Variants in KDM1A observed in about 807,000 individuals in gnomAD.
The protein encoded by KDM1A is lysine demethylase 1A, also known as lysine-specific histone demethylase 1A.
Under a neutral mutation model 109.4 loss-of-function variants are expected in KDM1A, and 49 were observed. The ratio of observed to expected loss-of-function variants is 0.45; its 90% confidence interval spans 0.36 to 0.57. The LOEUF is 0.57. Among genes scored for constraint, KDM1A ranks in the 20% least tolerant of loss-of-function variants. The pLI, the probability that KDM1A is intolerant of heterozygous loss-of-function variation, is 0.00. For missense variants in KDM1A, 668 were observed against 1,116.6 expected (o/e 0.60, Z 5.73); for synonymous variants, 380 against 415.4 (o/e 0.91, Z 1.04).
rs1313531646 is a variant in KDM1A at position 23,082,373 on chromosome 1, A to G, written c.2445+7A>G. On this transcript the variant is annotated splice_region_variant and intron_variant, in intron 20 of 20. Transcript: ENST00000400181. ...GATTCCAGGTGCCCCACAGGTGAGAAGCTGGCAAACTATCTGGGCTTATTT... is the reference window on the plus strand; with the variant it reads ...GATTCCAGGTGCCCCACAGGTGAGAGGCTGGCAAACTATCTGGGCTTATTT... 1.2e-6 allele frequency: 2 copies of G among 1,609,940 alleles called. No homozygotes were observed. The highest frequency in any genetic ancestry group is 2.2e-5 in the East Asian group (1 of 44,784).
At chr1:23,059,023 G>T in intron 8 of KDM1A, 50 bp from the exon 9 acceptor site, 16 of 1,109,246 alleles carry the variant, frequency 1.4e-5, no homozygotes, top group Admixed American at 5.3e-5. Context: ...TAAGGTTTTT[G>T]TTCTCTCTTC....
At position 23,057,664 on chromosome 1, in the gene KDM1A, TA is replaced by T. The variant is rs1274517845; in HGVS notation, c.1072+100del. On this transcript the variant is annotated intron_variant, in intron 8 of 20. Coordinates refer to ENST00000400181, the MANE Select transcript of KDM1A (RefSeq NM_001009999.3). Reference sequence around the variant, plus strand: ...TATTTTAAAATGTATTGGTTTAGAATAGTCATCTTCCGTTTAGTGAGAGGTA... The same window carrying T: ...TATTTTAAAATGTATTGGTTTAGAATGTCATCTTCCGTTTAGTGAGAGGTA... 1.8e-5 allele frequency: 16 copies of T among 867,856 alleles called. No individual in the cohort carries two copies. The African/African-American group carries it at 2.7e-4, about 14-fold the overall frequency. The allele number at this position is 867,856 out of a possible 1,614,324, so 53.8% of individuals were successfully genotyped here.
At chr1:23,037,560 C>G (rs1428815277) in intron 2 of KDM1A, among the ~76,000 whole-genome samples, 2 of 152,138 alleles carry the variant, frequency 1.3e-5, no homozygotes, top group Non-Finnish European at 2.9e-5. Flanking sequence ...GGTGAGAACA[C>G]TTACCCACTT....
Position 23,050,535 on chromosome 1 carries a change from C to T in KDM1A, c.711+15C>T, listed in dbSNP as rs1000974360. The T allele has an allele frequency of 1.3e-6, 2 of 1,586,290 alleles. No individual in the cohort carries two copies. The highest frequency in any genetic ancestry group is 1.4e-5 in the African/African-American group (1 of 73,298). On this transcript the variant is annotated intron_variant, in intron 4 of 20. Transcript: ENST00000400181. ...GAAACCGCACAGTAAGTTTCCATTT[C>T]AGCTTTTTCACCTGGATTATAAAAA...
Position 23,031,298 on chromosome 1 carries a change from C to A in KDM1A, c.517+664C>A, listed in dbSNP as rs1440659034. On this transcript the variant is annotated intron_variant, in intron 2 of 20. Coordinates refer to ENST00000400181, the MANE Select transcript of KDM1A (RefSeq NM_001009999.3). ...ATCTGCCTTTCTGTTTTGGAGAGAC[C>A]AAGCAAAAGCAGTATTTTAATGAAT... is the stretch of plus-strand genomic sequence containing the variant. 2.0e-5 allele frequency among the ~76,000 whole-genome samples: 3 copies of A among 152,176 alleles called. No individual in the cohort carries two copies. The East Asian group carries it at 5.8e-4, about 29-fold the overall frequency.
At position 23,078,985 on chromosome 1, in the gene KDM1A, T is replaced by C. The variant is rs1162214676; in HGVS notation, c.1868-5T>C. 1.2e-6 allele frequency: 2 copies of C among 1,611,982 alleles called. No homozygotes were observed. Among genetic ancestry groups the C allele is most frequent in the Non-Finnish European group, 1.7e-6 (2 of 1,178,444 alleles). On this transcript the variant is annotated splice_region_variant and splice_polypyrimidine_tract_variant and intron_variant, in intron 16 of 20. Transcript: ENST00000400181. ...CACTAGTCTTTTCCCACCCAACCTC[T>C]GCAGGATGTGAAGTGATAGCTGTGA...
At chr1:23,048,642 T>C (rs1196961919) in intron 3 of KDM1A, among the ~76,000 whole-genome samples, 2 of 152,220 alleles carry the variant, frequency 1.3e-5, no homozygotes, top group Non-Finnish European at 2.9e-5. Flanking sequence ...GCGTTTTTGC[T>C]TGACCACTTG....
intron 20 of KDM1A, chr1:23,082,899 G>C: frequency 3.6e-6 from 1 of 279,346 alleles, no homozygotes; most frequent in Non-Finnish European, 6.8e-6. Flanking sequence ...AGTTATACAT[G>C]AGGGAAGGAC....
intron 13 of KDM1A, 120 bp from the exon 14 acceptor site, chr1:23,072,003 CA>C (rs1643334753): frequency 4.7e-6 from 3 of 644,646 alleles, no homozygotes; most frequent in Admixed American, 5.9e-5. Flanking sequence ...AAAATTGAGC[CA>C]CACTTCCTGT....
At chr1:23,042,442 T>TATTATTATTA (rs61297026) in intron 2 of KDM1A, among the ~76,000 whole-genome samples, 577 of 17,652 alleles carry the variant, frequency 0.033, 64 homozygotes, top group African/African-American at 0.046. Flanking sequence ...AATATATTAT[T>TATTATTATTA]TTTTTTTTTT....
chr1:23,035,700 G>C (rs951461141), intron 2 of KDM1A, among the ~76,000 whole-genome samples: 1 of 152,166 alleles, frequency 6.6e-6, no homozygotes, highest in African/African-American at 2.4e-5. Flanking sequence ...CACAATGTAT[G>C]AGTAGAAGAA....
chr1:23,030,702 T>C, intron 2 of KDM1A, 68 bp downstream of exon 2: 1 of 1,425,014 alleles, frequency 7.0e-7, no homozygotes, highest in South Asian at 1.5e-5. Context: ...TTTATTTCCA[T>C]TTTGCAATAT....
At chr1:23,051,072 G>C (rs780047177) in intron 4 of KDM1A, among the ~76,000 whole-genome samples, 2 of 152,070 alleles carry the variant, frequency 1.3e-5, no homozygotes, top group African/African-American at 2.4e-5. Flanking sequence ...CTGGGCAACA[G>C]AGTAGAGTCC....
At chr1:23,043,538 T>C (rs750454916) in intron 2 of KDM1A, among the ~76,000 whole-genome samples, 10 of 152,184 alleles carry the variant, frequency 6.6e-5, no homozygotes, top group Non-Finnish European at 1.5e-4. Context: ...TGGGAGGTGG[T>C]ATTTTATGTC....
At chr1:23,035,256 G>T (rs1642108710) in intron 2 of KDM1A, among the ~76,000 whole-genome samples, 1 of 152,142 alleles carries the variant, frequency 6.6e-6, no homozygotes, top group African/African-American at 2.4e-5. Flanking sequence ...AGTCTGGAGT[G>T]CAATGGCATG....
intron 2 of KDM1A, 28 bp from the exon 3 acceptor site, chr1:23,044,399 C>T (rs953289660): frequency 1.2e-6 from 2 of 1,607,022 alleles, no homozygotes; most frequent in African/African-American, 1.3e-5. Flanking sequence ...GGAGTAAGGT[C>T]CCTGAGTTCT....
chr1:23,035,344 A>G (rs1642112291), intron 2 of KDM1A, among the ~76,000 whole-genome samples: 1 of 152,170 alleles, frequency 6.6e-6, no homozygotes. Flanking sequence ...CTGGGATTAC[A>G]GGCATGCGCC....
At position 23,051,885 on chromosome 1, in the gene KDM1A, T is replaced by C. The variant is rs1642680171; in HGVS notation, c.711+1365T>C. On this transcript the variant is annotated intron_variant, in intron 4 of 20. Coordinates refer to ENST00000400181, the MANE Select transcript of KDM1A (RefSeq NM_001009999.3). ...GCAATTGATAGGTTATCCTGGGTTT[T>C]TGTAAAACAGAAAAGAACAGTGAAG... Among the ~76,000 whole-genome samples the C allele has an allele frequency of 1.3e-5, 2 of 152,248 alleles. 1 individual carries two copies. Among genetic ancestry groups the C allele is most frequent in the South Asian group, 4.1e-4 (2 of 4,832 alleles).
chr1:23,058,891 A>G (rs1642917121), intron 8 of KDM1A, among the ~76,000 whole-genome samples, 182 bp from the exon 9 acceptor site: 1 of 152,022 alleles, frequency 6.6e-6, no homozygotes, highest in African/African-American at 2.4e-5. Context: ...GATTATAGGT[A>G]ATTTTTTTGC....
Sources: allele counts gnomAD v4.1 joint callset (sites outside exome capture counted in the v4.1 genomes callset), GRCh38; gene constraint gnomAD v4.1.1; transcripts MANE v1.5; gene names NCBI Gene and HGNC (gene_info 2026-07-23, HGNC 2026-07-21).